The following AFTPH variants were observed in gnomAD, a reference collection of about 807,000 sequenced individuals.
AFTPH encodes the protein aftiphilin.
Under a neutral mutation model 72.5 loss-of-function variants are expected in AFTPH, and 7 were observed. The ratio of observed to expected loss-of-function variants is 0.10; its 90% CI spans 0.05 to 0.18. The LOEUF (loss-of-function observed/expected upper bound fraction) is 0.18, where lower values mean the gene tolerates loss of function less well. AFTPH is among the 10% of genes least tolerant of loss of function. The pLI is 1.00. For missense variants in AFTPH, 979 were observed against 1,060.5 expected (o/e 0.92, Z 1.07); for synonymous variants, 337 against 370.1 (o/e 0.91, Z 1.03).
chr2:64,528,198 T>C (rs1669395610), intron 1 of AFTPH, among the ~76,000 whole-genome samples: 2 of 152,252 alleles, frequency 1.3e-5, no homozygotes, highest in African/African-American at 4.8e-5. Context: ...TAATTTACTG[T>C]AGGTTCTATT....
intron 1 of AFTPH, among the ~76,000 whole-genome samples, chr2:64,541,913 AC>A (rs1670278329): frequency 1.3e-5 from 2 of 152,202 alleles, no homozygotes; most frequent in Non-Finnish European, 2.9e-5. Flanking sequence ...TGTCATTGAT[AC>A]TATTGAAGTC....
At chr2:64,565,249 G>A (rs1671997264) in intron 2 of AFTPH, among the ~76,000 whole-genome samples, 1 of 151,940 alleles carries the variant, frequency 6.6e-6, no homozygotes, top group South Asian at 2.1e-4. Flanking sequence ...AGACCGAGGT[G>A]GGTGGATCAC....
chr2:64,538,175 G>GA (rs1233403923), intron 1 of AFTPH, among the ~76,000 whole-genome samples: 103 of 152,194 alleles, frequency 6.8e-4, no homozygotes, highest in African/African-American at 2.4e-3. Context: ...AGTCATAGGG[G>GA]AAAAATGTGT....
At chr2:64,548,383 G>C (rs1389020126) in intron 1 of AFTPH, among the ~76,000 whole-genome samples, 3 of 111,056 alleles carry the variant, frequency 2.7e-5, no homozygotes, top group African/African-American at 1.1e-4. Context: ...CTGGGCGACA[G>C]AGCGAGACTC....
At chr2:64,550,672 C>T (rs908231980) in intron 1 of AFTPH, among the ~76,000 whole-genome samples, 8 of 133,592 alleles carry the variant, frequency 6.0e-5, no homozygotes, top group East Asian at 2.3e-4. Context: ...TAGAACTGTA[C>T]GCATGCACAC....
At chr2:64,541,137 T>A (rs967873899) in intron 1 of AFTPH, among the ~76,000 whole-genome samples, 5 of 152,048 alleles carry the variant, frequency 3.3e-5, no homozygotes, top group Non-Finnish European at 7.4e-5. Context: ...CCACCTCATA[T>A]GATAGTATGA....
At chr2:64,570,305 C>T (rs1331109741) in intron 5 of AFTPH, among the ~76,000 whole-genome samples, 1 of 151,782 alleles carries the variant, frequency 6.6e-6, no homozygotes, top group Non-Finnish European at 1.5e-5. Flanking sequence ...AATAAAAATG[C>T]CCCATCAAAC....
At chr2:64,555,570 C>G (rs1272796437) in intron 2 of AFTPH, among the ~76,000 whole-genome samples, 2 of 150,526 alleles carry the variant, frequency 1.3e-5, no homozygotes, top group South Asian at 2.1e-4. Flanking sequence ...CACACACACA[C>G]ACACACACAC....
chr2:64,548,054 G>A (rs1248914305), intron 1 of AFTPH, among the ~76,000 whole-genome samples: 4 of 150,908 alleles, frequency 2.7e-5, no homozygotes, highest in Non-Finnish European at 5.9e-5. Flanking sequence ...GCCCCCCAAA[G>A]TGCTGGGATT....
chr2:64,584,602 T>C (rs1673392479), intron 7 of AFTPH, among the ~76,000 whole-genome samples: 1 of 148,662 alleles, frequency 6.7e-6, no homozygotes, highest in Admixed American at 6.7e-5. Flanking sequence ...GATTTTTTTT[T>C]TTTTTTTTTT....
chr2:64,530,625 T>G (rs1487319630), intron 1 of AFTPH, among the ~76,000 whole-genome samples: 1 of 152,120 alleles, frequency 6.6e-6, no homozygotes, highest in East Asian at 1.9e-4. Context: ...AAGAAAACTG[T>G]TAATATTTTG....
At chr2:64,564,881 A>G (rs1319576002) in intron 2 of AFTPH, among the ~76,000 whole-genome samples, 1 of 150,400 alleles carries the variant, frequency 6.6e-6, no homozygotes, top group East Asian at 2.0e-4. Context: ...TCTGTCACCC[A>G]GGCTGGACTA....
At chr2:64,534,348 A>G (rs1339077026) in intron 1 of AFTPH, among the ~76,000 whole-genome samples, 6 of 145,002 alleles carry the variant, frequency 4.1e-5, no homozygotes, top group Admixed American at 4.0e-4. Context: ...TATACTTTTT[A>G]CTATTTTTTG....
chr2:64,538,984 A>AT (rs3214419), intron 1 of AFTPH, among the ~76,000 whole-genome samples: 73,923 of 151,902 alleles, frequency 0.49, 21,564 homozygotes, highest in African/African-American at 0.83. Context: ...CTAGAGTGGT[A>AT]TTTTTTCATT....
chr2:64,560,929 C>T (rs1671696788), intron 2 of AFTPH, among the ~76,000 whole-genome samples: 1 of 152,160 alleles, frequency 6.6e-6, no homozygotes, highest in Non-Finnish European at 1.5e-5. Flanking sequence ...TGTGGGAGTA[C>T]CCCCTAGTTC....
At chr2:64,546,754 G>GC (rs1293435897) in intron 1 of AFTPH, among the ~76,000 whole-genome samples, 1 of 152,014 alleles carries the variant, frequency 6.6e-6, no homozygotes, top group Non-Finnish European at 1.5e-5. Flanking sequence ...CCATCACAAG[G>GC]CTGGGCATGG....
chr2:64,537,456 G>C (rs1192207642), intron 1 of AFTPH, among the ~76,000 whole-genome samples: 1 of 152,000 alleles, frequency 6.6e-6, no homozygotes, highest in Non-Finnish European at 1.5e-5. Context: ...ATTTTAAAAA[G>C]AATTCATTAA....
intron 1 of AFTPH, among the ~76,000 whole-genome samples, chr2:64,526,520 T>C (rs1669274798): frequency 1.3e-5 from 2 of 152,252 alleles, no homozygotes; most frequent in African/African-American, 4.8e-5. Context: ...CTACACTTTG[T>C]AGATTAAAAA....
chr2:64,584,837 C>T (rs973342104), intron 7 of AFTPH, among the ~76,000 whole-genome samples: 1 of 152,118 alleles, frequency 6.6e-6, no homozygotes, highest in Admixed American at 6.5e-5. Context: ...ACTTTGTGAT[C>T]TGCCCGCCTC....
Sources: gnomAD v4.1 joint callset for allele counts (sites outside exome capture counted in the v4.1 genomes callset) on GRCh38, gnomAD v4.1.1 for gene constraint, MANE v1.5 for transcripts, NCBI Gene and HGNC (gene_info 2026-07-23, HGNC 2026-07-21) for gene names.